The following MCF2 variants were observed in gnomAD, a reference collection of about 807,000 sequenced individuals.
The protein encoded by MCF2 is MCF.2 cell line derived transforming sequence, also known as proto-oncogene DBL.
In MCF2, 44 loss-of-function variants were observed where a neutral mutation model predicts 82.5. The ratio of observed to expected loss-of-function variants is 0.53; its 90% confidence interval spans 0.42 to 0.69. MCF2 has a LOEUF of 0.69. Among genes scored for constraint, MCF2 ranks in the 30% least tolerant of loss-of-function variants. MCF2 has a pLI of 0.00. For missense variants in MCF2, 623 were observed against 663.1 expected, an observed-to-expected ratio of 0.94 and a Z score of 0.66; for synonymous variants, 217 against 224.9, an observed-to-expected ratio of 0.96 and a Z score of 0.32.
intron 16 of MCF2, among the ~76,000 whole-genome samples, chrX:139,600,944 A>C (rs1184627064): frequency 8.9e-6 from 1 of 111,836 alleles, no homozygotes; most frequent in Non-Finnish European, 1.9e-5. Context: ...ATCTATTATC[A>C]TCTTTGTATA....
intron 8 of MCF2, among the ~76,000 whole-genome samples, chrX:139,617,065 GA>G (rs1931969518): frequency 9.0e-6 from 1 of 111,180 alleles, no homozygotes; most frequent in African/African-American, 3.3e-5. Context: ...ACAAGCCATG[GA>G]GGAATATTTT....
chrX:139,650,429 C>G, intron 2 of MCF2, among the ~76,000 whole-genome samples: 1 of 111,678 alleles, frequency 9.0e-6, no homozygotes, highest in South Asian at 3.8e-4. Context: ...AAAGTAAAAG[C>G]TTGTTTAGTA....
At chrX:139,658,294 G>A (rs867029229) in intron 1 of MCF2, among the ~76,000 whole-genome samples, 9 of 110,869 alleles carry the variant, frequency 8.1e-5, no homozygotes, top group Middle Eastern at 9.3e-3. Flanking sequence ...GGGGACTTAA[G>A]TGAATATTGT....
intron 1 of MCF2, among the ~76,000 whole-genome samples, chrX:139,682,327 T>C (rs1210738370): frequency 8.9e-6 from 1 of 112,069 alleles, no homozygotes; most frequent in African/African-American, 3.2e-5. Flanking sequence ...TCAGTAGAGA[T>C]GGCAGGTTTT....
intron 1 of MCF2, among the ~76,000 whole-genome samples, chrX:139,659,296 T>TA (rs983896206): frequency 9.2e-6 from 1 of 108,622 alleles, no homozygotes; most frequent in African/African-American, 3.3e-5. Context: ...AAAAAAAAAA[T>TA]AAAAAATTTA....
At chrX:139,640,003 T>C (rs768261527) in intron 1 of MCF2, among the ~76,000 whole-genome samples, 1 of 110,901 alleles carries the variant, frequency 9.0e-6, no homozygotes, top group Non-Finnish European at 1.9e-5. Context: ...TATTCCCTTT[T>C]TACAGAGGAG....
At chrX:139,655,446 T>C (rs924153470) in intron 1 of MCF2, among the ~76,000 whole-genome samples, 5 of 112,195 alleles carry the variant, frequency 4.5e-5, no homozygotes, top group Non-Finnish European at 9.4e-5. Context: ...TTGGTGTATA[T>C]AAATGCTACT....
chrX:139,594,734 A>G (rs1462280102), intron 19 of MCF2, among the ~76,000 whole-genome samples: 70 of 108,932 alleles, frequency 6.4e-4, no homozygotes, highest in African/African-American at 2.3e-3. Context: ...ATGGGATCTA[A>G]TTAAACTAAA....
chrX:139,659,151 G>A (rs1934285549), intron 1 of MCF2, among the ~76,000 whole-genome samples: 1 of 110,868 alleles, frequency 9.0e-6, no homozygotes, highest in African/African-American at 3.3e-5. Flanking sequence ...AGCTGGGCGT[G>A]GTGGCACGTG....
chrX:139,636,841 A>T (rs780611526), intron 1 of MCF2, among the ~76,000 whole-genome samples: 9 of 111,988 alleles, frequency 8.0e-5, no homozygotes, highest in African/African-American at 2.9e-4. Flanking sequence ...TAAACCTGTT[A>T]TTGCTCTATT....
chrX:139,700,568 G>A lies in MCF2; in HGVS notation c.-45+7538C>T, dbSNP rs181916018. Among the ~76,000 whole-genome samples, 189 of 111,900 alleles carry A rather than the reference G, an allele frequency of 1.7e-3. 1 individual carries two copies. Among genetic ancestry groups the A allele is most frequent in the Non-Finnish European group, 2.7e-3 (145 of 53,143 alleles). On this transcript the variant is annotated intron_variant, in intron 1 of 27. Coordinates refer to the MCF2 transcript ENST00000414978. ...CAAGCCATGGATCCAGGGACCTTGG[G>A]GGTCCACTGAAACCCAGAGGTCTAT... is the stretch of plus-strand genomic sequence containing the variant.
At chrX:139,598,730 T>A (rs1466440560) in intron 16 of MCF2, among the ~76,000 whole-genome samples, 1 of 111,875 alleles carries the variant, frequency 8.9e-6, no homozygotes, top group Non-Finnish European at 1.9e-5. Flanking sequence ...TTTCAAAGAT[T>A]TAAAAGTTTT....
At chrX:139,678,537 C>T (rs1016937301) in intron 1 of MCF2, among the ~76,000 whole-genome samples, 6 of 111,683 alleles carry the variant, frequency 5.4e-5, no homozygotes, top group Admixed American at 3.8e-4. Context: ...TGAGACAGTC[C>T]AAAACCTGAC....
chrX:139,599,628 G>A (rs929605841), intron 16 of MCF2, among the ~76,000 whole-genome samples: 1 of 111,532 alleles, frequency 9.0e-6, no homozygotes, highest in Admixed American at 9.5e-5. Flanking sequence ...GATGCTTGTT[G>A]AAAGTCTTTT....
intron 1 of MCF2, 87 bp from the exon 5 acceptor site, chrX:139,632,541 G>A: frequency 6.6e-6 from 5 of 760,332 alleles, no homozygotes; most frequent in Non-Finnish European, 7.4e-6. Context: ...TGTAACTGAA[G>A]GAAACAAATT....
intron 24 of MCF2, among the ~76,000 whole-genome samples, chrX:139,584,382 G>A (rs192939153): frequency 2.7e-5 from 3 of 110,641 alleles, no homozygotes; most frequent in Non-Finnish European, 5.7e-5. Context: ...TCCTCTGAAG[G>A]GCACCAAGGA....
intron 1 of MCF2, among the ~76,000 whole-genome samples, chrX:139,654,345 G>T (rs62609064): frequency 1.8e-5 from 2 of 110,843 alleles, no homozygotes; most frequent in Non-Finnish European, 3.8e-5. Context: ...TTTAACTGGG[G>T]TGAGATATGT....
Position 139,652,277 on chromosome X carries a change from G to T in MCF2, c.-44-489C>A, listed in dbSNP as rs138616985. ...ATTTTACAAGTGGTTAACCATATAG[G>T]CTTCTTAGTCTAGATAGACGTGGAT... On this transcript the variant is annotated intron_variant, in intron 1 of 27. Transcript: ENST00000414978. Among the ~76,000 whole-genome samples the T allele has an allele frequency of 5.5e-3, 609 of 111,383 alleles. 4 individuals are homozygous for T. The highest frequency in any genetic ancestry group is 8.5e-3 in the Non-Finnish European group (450 of 53,018).
At chrX:139,702,011 C>A (rs1026197566) in intron 1 of MCF2, among the ~76,000 whole-genome samples, 1 of 111,199 alleles carries the variant, frequency 9.0e-6, no homozygotes. Context: ...TCTATCACCC[C>A]TGGGGCTGCC....
Sources: gnomAD v4.1 joint callset for allele counts (sites outside exome capture counted in the v4.1 genomes callset) on GRCh38, gnomAD v4.1.1 for gene constraint, MANE v1.5 for transcripts, NCBI Gene and HGNC (gene_info 2026-07-23, HGNC 2026-07-21) for gene names.